SLC38A12: variants seen among roughly 807,000 people sequenced by gnomAD.
The protein encoded by SLC38A12 is solute carrier family 38 member 12, also known as putative sodium-coupled neutral amino acid transporter 12.
the SLC38A12 span, among the ~76,000 whole-genome samples, chr17:74,803,035 C>T: frequency 6.6e-6 from 1 of 152,072 alleles, no homozygotes; most frequent in Non-Finnish European, 1.5e-5. Context: ...TTCTTAACTC[C>T]TAGGAACCCC....
At chr17:74,835,947 C>G in the SLC38A12 span, 2 of 1,609,102 alleles carry the variant, frequency 1.2e-6, no homozygotes, top group African/African-American at 2.7e-5. Context: ...CATGATTGTG[C>G]TGGCCCTGAT....
At chr17:74,791,963 G>A in the SLC38A12 span, among the ~76,000 whole-genome samples, 3 of 145,954 alleles carry the variant, frequency 2.1e-5, no homozygotes, top group Non-Finnish European at 4.5e-5. Flanking sequence ...TGGCTAACAC[G>A]GTGAAACCCT....
At chr17:74,803,642 C>T in the SLC38A12 span, among the ~76,000 whole-genome samples, 5 of 152,292 alleles carry the variant, frequency 3.3e-5, no homozygotes, top group South Asian at 2.1e-4. Flanking sequence ...GATAAAAACC[C>T]GGTGTGCCTC....
At chr17:74,829,312 C>T in the SLC38A12 span, among the ~76,000 whole-genome samples, 20 of 152,242 alleles carry the variant, frequency 1.3e-4, no homozygotes, top group African/African-American at 3.9e-4. The surrounding 1 kb of genome is among the most constrained non-coding windows in gnomAD (Gnocchi z 4.1). Context: ...TTAGTAAGGA[C>T]GGGGTTTTGC....
chr17:74,795,028 C>T, the SLC38A12 span: 1 of 1,613,944 alleles, frequency 6.2e-7, no homozygotes, highest in Non-Finnish European at 8.5e-7. Context: ...TCAACTTGTT[C>T]TATTTCTGCA....
the SLC38A12 span, chr17:74,785,517 C>T: frequency 1.9e-6 from 3 of 1,614,010 alleles, no homozygotes; most frequent in South Asian, 1.1e-5. Context: ...TCATCGTGGG[C>T]ACGGGCGCAC....
chr17:74,791,635 G>GC, the SLC38A12 span, among the ~76,000 whole-genome samples: 2 of 152,252 alleles, frequency 1.3e-5, no homozygotes, highest in East Asian at 3.8e-4. Flanking sequence ...GCACGCCTGG[G>GC]CGTGGCTTCC....
chr17:74,782,364 G>C, the SLC38A12 span, among the ~76,000 whole-genome samples: 6 of 152,150 alleles, frequency 3.9e-5, no homozygotes, highest in South Asian at 2.1e-4. Context: ...CACCACACCC[G>C]GCCTGTAGTT....
the SLC38A12 span, among the ~76,000 whole-genome samples, chr17:74,830,926 G>A: frequency 6.6e-6 from 1 of 152,264 alleles, no homozygotes; most frequent in African/African-American, 2.4e-5. Flanking sequence ...CCTGTGAGCA[G>A]CCAGCAGCCT....
At chr17:74,779,104 C>T in the SLC38A12 span, among the ~76,000 whole-genome samples, 4 of 152,324 alleles carry the variant, frequency 2.6e-5, no homozygotes, top group Admixed American at 6.5e-5. Flanking sequence ...AAAGTCACCA[C>T]GGCTCCTGCT....
At chr17:74,824,210 G>C in the SLC38A12 span, among the ~76,000 whole-genome samples, 1 of 152,198 alleles carries the variant, frequency 6.6e-6, no homozygotes, top group Non-Finnish European at 1.5e-5. Context: ...TGGAGAGGAG[G>C]CCTCTCTGCT....
the SLC38A12 span, among the ~76,000 whole-genome samples, chr17:74,819,044 G>A: frequency 6.6e-6 from 1 of 152,322 alleles, no homozygotes; most frequent in South Asian, 2.1e-4. Flanking sequence ...GACCCATGCT[G>A]ACCAGCACCC....
chr17:74,814,171 C>G, the SLC38A12 span, among the ~76,000 whole-genome samples: 167 of 152,300 alleles, frequency 1.1e-3, no homozygotes, highest in African/African-American at 3.6e-3. Flanking sequence ...AGAGTGGTCA[C>G]AGTTCACCAG....
the SLC38A12 span, among the ~76,000 whole-genome samples, chr17:74,786,925 C>T: frequency 5.9e-5 from 9 of 152,150 alleles, no homozygotes; most frequent in African/African-American, 2.2e-4. Context: ...TCTGGGCTCC[C>T]AGGCAGGGGG....
chr17:74,835,889 C>T, the SLC38A12 span: 2 of 1,566,172 alleles, frequency 1.3e-6, no homozygotes, highest in East Asian at 2.3e-5. Flanking sequence ...AGGGCCGTGC[C>T]TGTCCCCACC....
chr17:74,820,135 C>G, the SLC38A12 span, among the ~76,000 whole-genome samples: 1 of 152,264 alleles, frequency 6.6e-6, no homozygotes, highest in African/African-American at 2.4e-5. Context: ...CTAGGACCAG[C>G]TTCTTTCTCA....
At chr17:74,799,515 T>G in the SLC38A12 span, among the ~76,000 whole-genome samples, 2 of 152,174 alleles carry the variant, frequency 1.3e-5, no homozygotes, top group South Asian at 2.1e-4. Context: ...GCCTGGCCAG[T>G]GCCCTGCCAC....
the SLC38A12 span, among the ~76,000 whole-genome samples, chr17:74,804,187 C>T: frequency 7.2e-5 from 11 of 152,372 alleles, no homozygotes; most frequent in South Asian, 2.3e-3. Flanking sequence ...GGGTGTGTAT[C>T]ATAAGCAGAG....
chr17:74,778,718 G>A, the SLC38A12 span, among the ~76,000 whole-genome samples: 2 of 138,160 alleles, frequency 1.4e-5, no homozygotes, highest in African/African-American at 2.8e-5. Flanking sequence ...GTGCAATCTC[G>A]GCTCACTGCA....
Sources: allele counts gnomAD v4.1 joint callset (sites outside exome capture counted in the v4.1 genomes callset), GRCh38; gene constraint gnomAD v4.1.1; non-coding constraint Gnocchi (gnomAD v3.1); transcripts MANE v1.5; gene names NCBI Gene and HGNC (gene_info 2026-07-23, HGNC 2026-07-21).